Variants in SLC5A11 observed in about 807,000 individuals in gnomAD.
SLC5A11 encodes solute carrier family 5 member 11.
In SLC5A11, 48 loss-of-function variants were observed where a neutral mutation model predicts 69.8. The ratio of observed to expected loss-of-function variants is 0.69; its 90% CI spans 0.55 to 0.87. The LOEUF (loss-of-function observed/expected upper bound fraction) is 0.87, where lower values mean the gene tolerates loss of function less well. SLC5A11 is among the 40% of genes least tolerant of loss of function. The probability of loss-of-function intolerance (pLI) is 0.00; values close to 1 mark genes in which losing one functional copy is unlikely to be tolerated. For missense variants in SLC5A11, 784 were observed against 866.1 expected, an observed-to-expected ratio of 0.91 and a Z score of 1.19; for synonymous variants, 319 against 342.4, an observed-to-expected ratio of 0.93 and a Z score of 0.75.
At chr16:24,870,781 CAAAAAAAAA>C (rs57742222) in intron 4 of SLC5A11, among the ~76,000 whole-genome samples, 2 of 66,546 alleles carry the variant, frequency 3.0e-5, no homozygotes, top group African/African-American at 1.2e-4. Flanking sequence ...CTCTGTCTCA[CAAAAAAAAA>C]AAAAAAAAAA....
intron 1 of SLC5A11, among the ~76,000 whole-genome samples, chr16:24,856,937 C>G (rs1027142052): frequency 1.3e-5 from 2 of 152,088 alleles, no homozygotes; most frequent in African/African-American, 4.8e-5. Context: ...TCTCATGCCT[C>G]AGCCTCCTGA....
rs869210839 is a variant in SLC5A11, at chr16:24,896,942, C to CTTTTTT, written c.871-1009_871-1004dup. ...CACCAGGAGTTAGACAACCTCCTTC[C>CTTTTTT]TTTTTTTTTTTTTTTTTTTTTTTTT... On this transcript the variant is annotated intron_variant, in intron 9 of 15. Transcript: ENST00000347898. 7.2e-5 allele frequency among the ~76,000 whole-genome samples: 7 copies of CTTTTTT among 97,100 alleles called. 1 individual carries two copies. Among genetic ancestry groups the CTTTTTT allele is most frequent in the Non-Finnish European group, 9.5e-5 (5 of 52,662 alleles). 63.7% of individuals were successfully genotyped at this position (97,100 alleles called of 152,430 possible).
At chr16:24,905,294 A>C (rs1025572475) in intron 10 of SLC5A11, among the ~76,000 whole-genome samples, 1 of 147,968 alleles carries the variant, frequency 6.8e-6, no homozygotes, top group Non-Finnish European at 1.5e-5. Context: ...AAAAAAAAAA[A>C]AACCTGGGTG....
chr16:24,898,617 C>T (rs963752478), intron 10 of SLC5A11, among the ~76,000 whole-genome samples: 1 of 148,140 alleles, frequency 6.8e-6, no homozygotes, highest in Non-Finnish European at 1.5e-5. Context: ...CTCCTGGGTT[C>T]ACGCCATTCT....
chr16:24,902,528 C>T (rs1244950762), intron 10 of SLC5A11, among the ~76,000 whole-genome samples: 1 of 150,472 alleles, frequency 6.6e-6, no homozygotes, highest in Non-Finnish European at 1.5e-5. Context: ...GTCTTAACAA[C>T]CAATCAGCCA....
intron 1 of SLC5A11, among the ~76,000 whole-genome samples, chr16:24,857,002 G>C (rs1365148037): frequency 3.3e-5 from 5 of 152,034 alleles, no homozygotes; most frequent in African/African-American, 1.2e-4. Context: ...TGTATTTTTA[G>C]TAGAGACGGG....
At chr16:24,890,483 C>CAAAAAAAAAAAA (rs1171814653) in intron 8 of SLC5A11, among the ~76,000 whole-genome samples, 6 of 77,524 alleles carry the variant, frequency 7.7e-5, no homozygotes, top group African/African-American at 3.1e-4. Context: ...GACTTCATAT[C>CAAAAAAAAAAAA]AAAAAAAAAA....
chr16:24,862,556 A>G, intron 2 of SLC5A11, 45 bp from the exon 4 acceptor site: 1 of 1,563,492 alleles, frequency 6.4e-7, no homozygotes, highest in South Asian at 1.1e-5. Flanking sequence ...GATGCCTCTG[A>G]TTGCTAACGT....
chr16:24,859,575 G>A (rs2059675120), intron 2 of SLC5A11, among the ~76,000 whole-genome samples: 1 of 152,104 alleles, frequency 6.6e-6, no homozygotes, highest in South Asian at 2.1e-4. Flanking sequence ...TAGTACATAA[G>A]CGTGTGGTTC....
intron 10 of SLC5A11, among the ~76,000 whole-genome samples, chr16:24,905,401 C>T (rs1329603884): frequency 6.6e-6 from 1 of 151,350 alleles, no homozygotes; most frequent in South Asian, 2.1e-4. Flanking sequence ...CGAGATTGTG[C>T]CACGCACTCC....
chr16:24,882,163 G>T (rs1411893980), intron 7 of SLC5A11, among the ~76,000 whole-genome samples: 1 of 152,142 alleles, frequency 6.6e-6, no homozygotes, highest in Non-Finnish European at 1.5e-5. Flanking sequence ...ATGCCATTTT[G>T]TTGGCCTCTG....
At chr16:24,855,569 C>A (rs1044588243) in intron 1 of SLC5A11, among the ~76,000 whole-genome samples, 13 of 151,802 alleles carry the variant, frequency 8.6e-5, no homozygotes, top group Non-Finnish European at 1.9e-4. Context: ...CCACTGTACT[C>A]CAGCCTGAGT....
intron 7 of SLC5A11, among the ~76,000 whole-genome samples, chr16:24,879,324 T>G (rs7185625): frequency 0.032 from 4,832 of 152,168 alleles, 206 homozygotes; most frequent in African/African-American, 0.092. Flanking sequence ...GTAGTGAGCA[T>G]AGTACCCAAT....
intron 1 of SLC5A11, chr16:24,846,718 A>T (rs1353924434): frequency 6.6e-6 from 1 of 152,226 alleles, no homozygotes; most frequent in Non-Finnish European, 1.5e-5. Context: ...ATTTTGCCTC[A>T]CCGAGTCTCA....
At chr16:24,881,081 C>T (rs973605663) in intron 7 of SLC5A11, among the ~76,000 whole-genome samples, 5 of 151,780 alleles carry the variant, frequency 3.3e-5, no homozygotes, top group Non-Finnish European at 7.4e-5. Flanking sequence ...TGGCGGGCAC[C>T]TGTAATCCCA....
chr16:24,858,683 G>C, exon 2 of SLC5A11: 1 of 1,611,538 alleles, frequency 6.2e-7, no homozygotes, highest in Non-Finnish European at 8.5e-7. Context: ...TCCACAGTTA[G>C]ATCCCCTGGA....
chr16:24,880,151 G>A (rs922167846), intron 7 of SLC5A11, among the ~76,000 whole-genome samples: 7 of 151,936 alleles, frequency 4.6e-5, no homozygotes, highest in East Asian at 1.9e-4. Context: ...AGAACTACCC[G>A]AGACTGGATA....
intron 9 of SLC5A11, 86 bp downstream of exon 10, chr16:24,891,160 A>G: frequency 6.0e-6 from 8 of 1,329,412 alleles, no homozygotes; most frequent in Non-Finnish European, 8.5e-6. Context: ...TTCTTCCTCC[A>G]TCTCTTCTCT....
rs536323408 is a variant in SLC5A11 at position 24,904,990 on chromosome 16, C to A, written c.1007-1667C>A. Among the ~76,000 whole-genome samples the A allele has an allele frequency of 1.9e-4, 29 of 151,970 alleles. No individual in the cohort carries two copies. The South Asian group carries it at 4.4e-3, about 23-fold the overall frequency. Reference sequence around the variant, plus strand: ...GTGTGTGATGTTCCCCTCCTTGTGTCCATGTGTTCTTATTGTTCAACTCCC... The same window carrying A: ...GTGTGTGATGTTCCCCTCCTTGTGTACATGTGTTCTTATTGTTCAACTCCC... On this transcript the variant is annotated intron_variant, in intron 10 of 15. Coordinates refer to ENST00000347898, the Ensembl canonical transcript of SLC5A11.
Sources: allele counts gnomAD v4.1 joint callset (sites outside exome capture counted in the v4.1 genomes callset), GRCh38; gene constraint gnomAD v4.1.1; transcripts MANE v1.5; gene names NCBI Gene and HGNC (gene_info 2026-07-23, HGNC 2026-07-21).